The following RNASET2 variants were observed in gnomAD, a reference collection of about 807,000 sequenced individuals.
RNASET2 encodes the protein ribonuclease 6.
RNASET2 carries 28 observed loss-of-function variants against 33.9 expected under a neutral mutation model. The observed-to-expected ratio is 0.83, with a 90% confidence interval of 0.61 to 1.13. The LOEUF (loss-of-function observed/expected upper bound fraction) is 1.13. RNASET2 is among the 50% of genes most tolerant of loss of function. The pLI is 0.00. For missense variants in RNASET2, 330 were observed against 319.9 expected, an observed-to-expected ratio of 1.03 and a Z score of -0.24; for synonymous variants, 123 against 121.0, an observed-to-expected ratio of 1.02 and a Z score of -0.11.
chr6:166,942,523 T>G (rs1251251072), intron 5 of RNASET2, among the ~76,000 whole-genome samples: 1 of 152,194 alleles, frequency 6.6e-6, no homozygotes, highest in Non-Finnish European at 1.5e-5. Context: ...CCCTGTCACC[T>G]AGGCTAGTTA....
In RNASET2 at chr6:166,922,369, C is replaced by T. The variant is rs1778248703; in HGVS notation, c.*7219G>A. Reference sequence around the variant, plus strand: ...ATCTCTCATCATCAGCAAGTTGCATCCCACTGACCATCCCCCGGCTCCCCA... The same window carrying T: ...ATCTCTCATCATCAGCAAGTTGCATTCCACTGACCATCCCCCGGCTCCCCA... On this transcript the variant is annotated 3_prime_UTR_variant, in exon 9 of 9. Coordinates refer to ENST00000508775, the MANE Select transcript of RNASET2 (RefSeq NM_003730.6). 6.6e-6 allele frequency among the ~76,000 whole-genome samples: 1 copy of T among 151,904 alleles called. No individual in the cohort carries two copies. The highest frequency in any genetic ancestry group is 6.6e-5 in the Admixed American group (1 of 15,246).
At chr6:166,942,876 T>C (rs1778724578) in intron 5 of RNASET2, 143 bp downstream of exon 5, 1 of 698,534 alleles carries the variant, frequency 1.4e-6, no homozygotes, top group Non-Finnish European at 2.6e-6. Flanking sequence ...TCATATCTCA[T>C]AAAAGGTTGT....
At chr6:166,937,084 T>G (rs894782949) in intron 6 of RNASET2, among the ~76,000 whole-genome samples, 1 of 152,176 alleles carries the variant, frequency 6.6e-6, no homozygotes, top group Non-Finnish European at 1.5e-5. Flanking sequence ...TCTTTTTAAC[T>G]GCAAGTCTCC....
Position 166,928,229 on chromosome 6 carries a change from G to A in RNASET2, c.*1359C>T, listed in dbSNP as rs1370655926. 3.3e-5 allele frequency among the ~76,000 whole-genome samples: 5 copies of A among 152,168 alleles called. No homozygotes were observed. Among genetic ancestry groups the A allele is most frequent in the Non-Finnish European group, 7.3e-5 (5 of 68,032 alleles). On this transcript the variant is annotated 3_prime_UTR_variant, in exon 9 of 9. Transcript: ENST00000508775. ...GTCCTGTGTCTCCTTTAATGCCTGC[G>A]GGGGACGCAGAGGCCACTGAGTCTA...
At chr6:166,936,538 A>C (rs1778573537) in intron 6 of RNASET2, among the ~76,000 whole-genome samples, 1 of 152,214 alleles carries the variant, frequency 6.6e-6, no homozygotes, top group South Asian at 2.1e-4. Flanking sequence ...GGCAGAAGGC[A>C]AAGGGGAGCT....
chr6:166,955,225 A>G lies in RNASET2; in HGVS notation c.86+872T>C, dbSNP rs1230065115. Among the ~76,000 whole-genome samples the G allele has an allele frequency of 3.1e-4, 15 of 48,610 alleles. 1 individual carries two copies. The highest frequency in any genetic ancestry group is 0.02 in the Middle Eastern group (2 of 98). 31.9% of individuals were successfully genotyped at this position (48,610 alleles called of 152,430 possible). A position where few individuals can be genotyped will look rare whatever the true frequency, so the allele number is the denominator to read the frequency against. ...CGCACACACGCACGCACACACGCGC[A>G]CACACGCACGCACGCACACACACGC... On this transcript the variant is annotated intron_variant, in intron 1 of 8. Transcript: ENST00000508775.
At chr6:166,954,277 G>A (rs900407779) in intron 1 of RNASET2, among the ~76,000 whole-genome samples, 5 of 152,170 alleles carry the variant, frequency 3.3e-5, no homozygotes, top group South Asian at 2.1e-4. Context: ...CCATGTTCTC[G>A]CAAATCTTGC....
At chr6:166,948,915 G>A (rs1255025684) in intron 2 of RNASET2, among the ~76,000 whole-genome samples, 1 of 152,134 alleles carries the variant, frequency 6.6e-6, no homozygotes, top group African/African-American at 2.4e-5. Context: ...TGACTTAACA[G>A]AAACAGGTGT....
At position 166,943,058 on chromosome 6, in the gene RNASET2, G is replaced by A; in HGVS notation, c.293C>T (p.Pro98Leu). 6.2e-7 allele frequency: 1 copy of A among 1,613,612 alleles called. No individual in the cohort carries two copies. Among genetic ancestry groups the A allele is most frequent in the Admixed American group, 1.7e-5 (1 of 60,000 alleles). ...ATTGGGAAACGAGTGAATTACGTCAGGCCAGTATGCCCTCATTTCTGGCAA... is the reference window on the plus strand; with the variant it reads ...ATTGGGAAACGAGTGAATTACGTCAAGCCAGTATGCCCTCATTTCTGGCAA... ...DLLPEMRAYW[P>L]DVIHSFPNRS... is the part of the protein sequence containing the mutation. Residue 98 changes from proline to leucine, a missense_variant, in exon 5 of 9, where the codon CCT becomes CTT. Transcript: ENST00000508775.
chr6:166,931,687 C>CGAGATCTA, intron 7 of RNASET2: 1 of 167,626 alleles, frequency 6.0e-6, no homozygotes, highest in Non-Finnish European at 1.3e-5. Flanking sequence ...GAGTCCTCCC[C>CGAGATCTA]CACTGCTTCT....
intron 5 of RNASET2, among the ~76,000 whole-genome samples, chr6:166,941,868 T>TTTA (rs1382545016): frequency 6.6e-6 from 1 of 152,238 alleles, no homozygotes. Flanking sequence ...GGAATTTAAC[T>TTTA]TTATGTTCTT....
intron 3 of RNASET2, among the ~76,000 whole-genome samples, chr6:166,948,253 G>C (rs1778895483): frequency 6.6e-6 from 1 of 152,008 alleles, no homozygotes; most frequent in Admixed American, 6.5e-5. Context: ...GGCTGGAGCA[G>C]GAGAATCACT....
At position 166,933,761 on chromosome 6, in the gene RNASET2, CACAA is replaced by C. The variant is rs1778501435; in HGVS notation, c.492+326_492+329del. On this transcript the variant is annotated intron_variant, in intron 7 of 8. Transcript: ENST00000508775. This position sits in a 1 kb window ranked among gnomAD's most constrained non-coding sequence, Gnocchi z 4.1. ...TCACAATTTTATCATGAAAACAAACCACAAACAAATATAAGACTACGTTATAAAA... is the reference window on the plus strand; with the variant it reads ...TCACAATTTTATCATGAAAACAAACCACAAATATAAGACTACGTTATAAAA... 3.0e-6 allele frequency: 1 copy of C among 331,154 alleles called. No homozygotes were observed. The highest frequency in any genetic ancestry group is 5.5e-6 in the Non-Finnish European group (1 of 181,726). The allele number at this position is 331,154 out of a possible 1,614,324, so 20.5% of individuals were successfully genotyped here.
rs1314734725 is a variant in RNASET2 at position 166,922,926 on chromosome 6, C to T, written c.*6662G>A. Among the ~76,000 whole-genome samples, 4 of 152,180 alleles carry T rather than the reference C, an allele frequency of 2.6e-5. No homozygotes were observed. The highest frequency in any genetic ancestry group is 7.2e-5 in the African/African-American group (3 of 41,428). On this transcript the variant is annotated 3_prime_UTR_variant, in exon 9 of 9. Coordinates refer to ENST00000508775, the MANE Select transcript of RNASET2 (RefSeq NM_003730.6). ...GTAAAAATGGGCCACTGTCACTCTGCAGACTTTTCTCAGTGTTAAAAGCGG... is the reference window on the plus strand; with the variant it reads ...GTAAAAATGGGCCACTGTCACTCTGTAGACTTTTCTCAGTGTTAAAAGCGG...
At position 166,923,504 on chromosome 6, in the gene RNASET2, G is replaced by A. The variant is rs749294922; in HGVS notation, c.*6084C>T. 1.1e-4 allele frequency among the ~76,000 whole-genome samples: 17 copies of A among 152,106 alleles called. No homozygotes were observed. The highest frequency in any genetic ancestry group is 3.9e-4 in the African/African-American group (16 of 41,482). On this transcript the variant is annotated 3_prime_UTR_variant, in exon 9 of 9. Transcript: ENST00000508775. ...CAAGGTGCTAGGATTACAGGTATAA[G>A]CCACTGCGCCTGGCCCATCTCAAAC...
At chr6:166,932,038 G>C (rs1415225807) in intron 7 of RNASET2, 1 of 152,442 alleles carries the variant, frequency 6.6e-6, no homozygotes, top group Non-Finnish European at 1.5e-5. Flanking sequence ...ACTCTGCAGA[G>C]AGCTCCAATT....
At chr6:166,939,158 A>T (rs559508827) in intron 5 of RNASET2, 150 bp from the exon 6 acceptor site, 8 of 689,740 alleles carry the variant, frequency 1.2e-5, no homozygotes, top group South Asian at 8.8e-5. Flanking sequence ...ACATGGTGAA[A>T]CTGTCTCTAC....
intron 2 of RNASET2, 114 bp downstream of exon 2, chr6:166,952,374 G>T: frequency 1.1e-6 from 1 of 921,122 alleles, no homozygotes; most frequent in Non-Finnish European, 1.8e-6. Flanking sequence ...ACCCGCCAGA[G>T]CGATGCCTAC....
At chr6:166,941,058 G>A (rs1261587209) in intron 5 of RNASET2, among the ~76,000 whole-genome samples, 13 of 152,204 alleles carry the variant, frequency 8.5e-5, no homozygotes. Flanking sequence ...GCACAGGACT[G>A]GGTGACACAG....
Sources: allele counts gnomAD v4.1 joint callset (sites outside exome capture counted in the v4.1 genomes callset), GRCh38; gene constraint gnomAD v4.1.1; non-coding constraint Gnocchi (gnomAD v3.1); transcripts MANE v1.5; gene names NCBI Gene and HGNC (gene_info 2026-07-23, HGNC 2026-07-21).